BHMT: variants seen among roughly 807,000 people sequenced by gnomAD.
BHMT encodes the protein betaine--homocysteine S-methyltransferase 1.
BHMT carries 38 observed loss-of-function variants against 49.5 expected under a neutral mutation model. That is an observed-to-expected ratio of 0.77 (90% confidence interval 0.59 to 1.01). The LOEUF (loss-of-function observed/expected upper bound fraction) is 1.01. Ranked by LOEUF, BHMT falls within the 50% of genes least tolerant of loss-of-function variation. The pLI, the probability that BHMT is intolerant of heterozygous loss-of-function variation, is 0.00. For synonymous variants in BHMT, 166 were observed against 176.3 expected, an observed-to-expected ratio of 0.94 and a Z score of 0.46; for missense variants, 426 against 495.7, an observed-to-expected ratio of 0.86 and a Z score of 1.34.
At chr5:79,113,052 A>G (rs1278087605) in intron 1 of BHMT, among the ~76,000 whole-genome samples, 1 of 152,212 alleles carries the variant, frequency 6.6e-6, no homozygotes, top group Non-Finnish European at 1.5e-5. Context: ...CTGGAGAACC[A>G]GCTGAGGTGT....
At chr5:79,121,157 A>C (rs1469326634) in intron 4 of BHMT, 61 bp from the exon 5 acceptor site, 2 of 1,584,512 alleles carry the variant, frequency 1.3e-6, no homozygotes, top group Non-Finnish European at 1.7e-6. Flanking sequence ...TCTCAAAAAA[A>C]AAAAAAAAAT....
At chr5:79,125,170 G>A (rs983609694) in intron 5 of BHMT, among the ~76,000 whole-genome samples, 7 of 151,946 alleles carry the variant, frequency 4.6e-5, no homozygotes, top group Non-Finnish European at 7.4e-5. Flanking sequence ...GAAAAAAGAT[G>A]GATAGGGCTG....
intron 7 of BHMT, 97 bp from the exon 8 acceptor site, chr5:79,130,836 T>A (rs1437472535): frequency 1.7e-6 from 2 of 1,143,736 alleles, no homozygotes; most frequent in African/African-American, 3.3e-5. Flanking sequence ...CGTGAAATTA[T>A]TTAAAATATT....
chr5:79,125,905 T>C (rs546724829), intron 5 of BHMT, 141 bp from the exon 6 acceptor site: 8 of 796,470 alleles, frequency 1.0e-5, no homozygotes, highest in Admixed American at 5.8e-5. Flanking sequence ...ATCACGCTAC[T>C]GCACTCCAGC....
At chr5:79,126,306 G>A (rs908579487) in intron 6 of BHMT, 78 bp downstream of exon 6, 62 of 1,505,760 alleles carry the variant, frequency 4.1e-5, no homozygotes, top group Non-Finnish European at 1.3e-5. Context: ...TATACCCAGA[G>A]ATCTTTTGTC....
rs1180489901 is a variant in BHMT, at chr5:79,117,674, C to T, written c.167-1585C>T. Among the ~76,000 whole-genome samples, 11 of 152,326 alleles carry T rather than the reference C, an allele frequency of 7.2e-5. No homozygotes were observed. In the South Asian group the frequency reaches 1.0e-3, roughly 14 times the overall value. On this transcript the variant is annotated intron_variant, in intron 2 of 7. Transcript: ENST00000274353. ...ACAAGAGATGAGTATAGACTCATCT[C>T]CAGCGTTAGCGCTGAGAGCTAAGAA...
chr5:79,121,385 A>C lies in BHMT; in HGVS notation c.625+20A>C, dbSNP rs1386140839. The stretch of plus-strand genomic sequence containing the variant: ...AAGCAGGTGATGATAGATTTCAATC[A>C]GTTTGTGATTAGTAAGTCTTAAAAG... On this transcript the variant is annotated intron_variant, in intron 5 of 7. Transcript: ENST00000274353. The C allele has an allele frequency of 1.9e-6, 3 of 1,613,862 alleles. No individual in the cohort carries two copies. In the Admixed American group the frequency reaches 5.0e-5, roughly 27 times the overall value.
chr5:79,115,847 C>T lies in BHMT; in HGVS notation c.114C>T (p.Tyr38=), dbSNP rs373553877. The part of the protein sequence containing the change: ...GFVFALEKRG[Y]VKAGPWTPEA... ...TCTTTGCACTGGAGAAGAGGGGCTA[C>T]GTAAAGGCAGGACCCTGGACTCCTG... Residue 38 remains tyrosine, a synonymous_variant, in exon 2 of 8, where the codon TAC becomes TAT. Transcript: ENST00000274353. The T allele has an allele frequency of 1.7e-5, 27 of 1,613,842 alleles. 2 individuals carry two copies. The highest frequency in any genetic ancestry group is 8.0e-5 in the African/African-American group (6 of 74,880).
intron 5 of BHMT, among the ~76,000 whole-genome samples, chr5:79,122,043 G>C (rs1756481358): frequency 1.3e-5 from 2 of 151,646 alleles, no homozygotes; most frequent in Admixed American, 1.3e-4. Context: ...CCAGGTTCAA[G>C]CGATTCTCCT....
intron 7 of BHMT, 137 bp downstream of exon 7, chr5:79,128,120 C>A: frequency 2.9e-6 from 3 of 1,039,104 alleles, no homozygotes; most frequent in Non-Finnish European, 2.8e-6. Flanking sequence ...GAGATGTTTA[C>A]AAAGCATCCT....
chr5:79,119,337 A>C lies in BHMT; in HGVS notation c.245A>C (p.Lys82Thr). ...QTFTFYASED[K>T]LENRGNYVLE... ...TTCACCTTCTATGCGAGTGAAGACA[A>C]GCTGGAGAACAGGGGCAACTATGTC... The change falls in exon 3 of 8, where the codon AAG (lysine) becomes ACG (threonine). Residue 82 changes from lysine to threonine, a missense_variant. By Grantham distance (78) the Lys-to-Thr change is moderately conservative. This residue lies in a region of BHMT where 321 missense variants were observed against 355.9 expected (regional missense o/e 0.90). Coordinates refer to ENST00000274353, the MANE Select transcript of BHMT (RefSeq NM_001713.3). 6.2e-7 allele frequency: 1 copy of C among 1,614,154 alleles called. No individual in the cohort carries two copies. The highest frequency in any genetic ancestry group is 8.5e-7 in the Non-Finnish European group (1 of 1,180,016).
At chr5:79,116,034 T>C (rs1756382215) in intron 2 of BHMT, 135 bp downstream of exon 2, 5 of 1,094,864 alleles carry the variant, frequency 4.6e-6, no homozygotes, top group Admixed American at 3.7e-5. Flanking sequence ...CCTGGGCACA[T>C]AGGGAGACCT....
At chr5:79,127,102 C>T (rs1756563127) in intron 6 of BHMT, among the ~76,000 whole-genome samples, 1 of 152,166 alleles carries the variant, frequency 6.6e-6, no homozygotes, top group African/African-American at 2.4e-5. Context: ...CTCACAGTTT[C>T]TCCAGGTCAA....
chr5:79,115,777 A>G lies in BHMT; in HGVS notation c.44A>G (p.Glu15Gly). 1 of 1,611,158 alleles carries G rather than the reference A, an allele frequency of 6.2e-7. No individual in the cohort carries two copies. The highest frequency in any genetic ancestry group is 2.2e-5 in the East Asian group (1 of 44,742). The stretch of plus-strand genomic sequence containing the variant: ...CATCTGTAATTTTAGGGCATCCTAG[A>G]ACGTTTAAATGCTGGAGAGATTGTG... ...GGKKAKKGIL[E>G]RLNAGEIVIG... The change falls in exon 2 of 8, where the codon GAA (glutamate) becomes GGA (glycine). Residue 15 changes from glutamate (E) to glycine (G), a missense_variant. Transcript: ENST00000274353.
chr5:79,122,121 T>G (rs1295733985), intron 5 of BHMT, among the ~76,000 whole-genome samples: 2 of 152,038 alleles, frequency 1.3e-5, no homozygotes, highest in East Asian at 3.9e-4. Flanking sequence ...TTTTGTATTT[T>G]TTAGTAGAGA....
intron 3 of BHMT, 29 bp from the exon 4 acceptor site, chr5:79,120,321 T>A (rs1756446775): frequency 6.5e-7 from 1 of 1,530,038 alleles, no homozygotes. Context: ...CATGAAAATT[T>A]AGATGTCTCA....
At chr5:79,120,295 T>C in intron 3 of BHMT, 55 bp from the exon 4 acceptor site, 1 of 1,438,556 alleles carries the variant, frequency 7.0e-7, no homozygotes, top group Non-Finnish European at 9.4e-7. Context: ...TGAATAATAA[T>C]TTTATTTCAA....
In BHMT at chr5:79,131,006, G is replaced by A; in HGVS notation, c.1111G>A (p.Asp371Asn). Residue 371 changes from aspartate (D) to asparagine (N), a missense_variant, in exon 8 of 8, where the codon GAT becomes AAT. By Grantham distance (23) the Asp-to-Asn change is conservative (BLOSUM62 1). This residue lies in a region of BHMT where 73 missense variants were observed against 68.3 expected (regional missense o/e 1.07). Transcript: ENST00000274353. The part of the protein sequence containing the change: ...RPYNPSMSKP[D>N]GWGVTKGTAE... ...ATACAACCCTTCAATGTCAAAGCCA[G>A]ATGGCTGGGGAGTGACCAAAGGAAC... 2 of 1,614,036 alleles carry A rather than the reference G, an allele frequency of 1.2e-6. No individual in the cohort carries two copies. The highest frequency in any genetic ancestry group is 1.7e-6 in the Non-Finnish European group (2 of 1,180,016).
At chr5:79,124,679 T>C (rs1156597260) in intron 5 of BHMT, among the ~76,000 whole-genome samples, 1 of 152,134 alleles carries the variant, frequency 6.6e-6, no homozygotes, top group Non-Finnish European at 1.5e-5. Context: ...AAATGAAATA[T>C]CTAAAACATA....
Sources: gnomAD v4.1 joint callset for allele counts (sites outside exome capture counted in the v4.1 genomes callset) on GRCh38, gnomAD v4.1.1 for gene constraint, gnomAD v4.1.1 regional missense constraint, MANE v1.5 for transcripts, NCBI Gene and HGNC (gene_info 2026-07-23, HGNC 2026-07-21) for gene names.